The following OPCML variants were observed in gnomAD, a reference collection of about 807,000 sequenced individuals.
OPCML encodes opioid-binding protein/cell adhesion molecule.
A neutral mutation model predicts 37.8 loss-of-function variants in OPCML; 13 were observed. The ratio of observed to expected loss-of-function variants is 0.34; its 90% CI spans 0.22 to 0.55. The LOEUF is 0.55. OPCML is among the 20% of genes least tolerant of loss of function. The pLI, the probability that OPCML is intolerant of heterozygous loss-of-function variation, is 0.91. For synonymous variants in OPCML, 176 were observed against 168.8 expected, an observed-to-expected ratio of 1.04 and a Z score of -0.33; for missense variants, 341 against 435.6, an observed-to-expected ratio of 0.78 and a Z score of 1.93.
At chr11:132,598,875 G>T (rs1937629985) in intron 3 of OPCML, among the ~76,000 whole-genome samples, 1 of 152,004 alleles carries the variant, frequency 6.6e-6, no homozygotes, top group Non-Finnish European at 1.5e-5. Context: ...AAATATATTT[G>T]GCTTTTATGT....
intron 1 of OPCML, among the ~76,000 whole-genome samples, chr11:133,462,076 T>C (rs1385315642): frequency 1.3e-5 from 2 of 151,984 alleles, no homozygotes; most frequent in African/African-American, 2.4e-5. Context: ...GATATTCATA[T>C]GCAAAATATG....
intron 1 of OPCML, among the ~76,000 whole-genome samples, chr11:133,161,444 G>A (rs532748503): frequency 5.2e-4 from 79 of 152,278 alleles, no homozygotes; most frequent in African/African-American, 1.7e-3. Flanking sequence ...TCTAAGAACT[G>A]AGTAATAGCA....
At chr11:133,080,085 T>C (rs1368424883) in intron 1 of OPCML, among the ~76,000 whole-genome samples, 1 of 152,100 alleles carries the variant, frequency 6.6e-6, no homozygotes, top group East Asian at 1.9e-4. Flanking sequence ...GGTCTATGAA[T>C]AGGGTCCCCA....
intron 1 of OPCML, among the ~76,000 whole-genome samples, chr11:132,994,012 G>A (rs1034488901): frequency 2.0e-5 from 3 of 152,226 alleles, no homozygotes; most frequent in African/African-American, 7.2e-5. Flanking sequence ...GCAGGGAGAC[G>A]TCTGGATGTG....
intron 3 of OPCML, among the ~76,000 whole-genome samples, chr11:132,586,296 T>C (rs1228189833): frequency 2.6e-5 from 4 of 152,216 alleles, no homozygotes; most frequent in Non-Finnish European, 5.9e-5. Context: ...CTTAAAGAAA[T>C]GTGATATTTC....
chr11:132,835,932 C>T (rs1372301652), intron 2 of OPCML, among the ~76,000 whole-genome samples: 1 of 152,184 alleles, frequency 6.6e-6, no homozygotes, highest in Non-Finnish European at 1.5e-5. Flanking sequence ...TGTCTACTTA[C>T]AAATATCCAT....
At chr11:132,597,894 C>T (rs1387679517) in intron 3 of OPCML, among the ~76,000 whole-genome samples, 1 of 152,096 alleles carries the variant, frequency 6.6e-6, no homozygotes, top group Non-Finnish European at 1.5e-5. Context: ...GCATAGCTTC[C>T]TTCTATTCCA....
intron 2 of OPCML, among the ~76,000 whole-genome samples, chr11:132,851,868 G>A (rs1022165109): frequency 5.9e-5 from 9 of 152,152 alleles, no homozygotes; most frequent in African/African-American, 2.2e-4. Context: ...GAAAGAACGC[G>A]ATGTGAGGGA....
chr11:133,460,364 A>G (rs1257640460), intron 1 of OPCML, among the ~76,000 whole-genome samples: 1 of 151,926 alleles, frequency 6.6e-6, no homozygotes, highest in Non-Finnish European at 1.5e-5. Flanking sequence ...ATTAATAAAG[A>G]TTAAAGACAA....
intron 1 of OPCML, among the ~76,000 whole-genome samples, chr11:132,944,813 G>A (rs917160619): frequency 2.0e-5 from 3 of 152,330 alleles, no homozygotes; most frequent in African/African-American, 7.2e-5. Flanking sequence ...CCTGGCAGAA[G>A]CCTCCCCGTT....
chr11:133,158,407 A>C (rs1159284824), intron 1 of OPCML, among the ~76,000 whole-genome samples: 1 of 152,204 alleles, frequency 6.6e-6, no homozygotes, highest in Non-Finnish European at 1.5e-5. Context: ...TCATTTCTAA[A>C]AATAAGATCC....
chr11:132,608,917 G>T (rs1266373998), intron 3 of OPCML, among the ~76,000 whole-genome samples: 1 of 152,058 alleles, frequency 6.6e-6, no homozygotes, highest in African/African-American at 2.4e-5. Flanking sequence ...ATATATCTGA[G>T]ATATTTTTCT....
At chr11:132,542,517 A>G (rs1263520761) in intron 3 of OPCML, among the ~76,000 whole-genome samples, 6 of 152,122 alleles carry the variant, frequency 3.9e-5, no homozygotes, top group Admixed American at 2.6e-4. Context: ...CATCAGCAGG[A>G]CAGATTCACC....
At chr11:132,509,310 A>T (rs1443555499) in intron 4 of OPCML, among the ~76,000 whole-genome samples, 1 of 152,144 alleles carries the variant, frequency 6.6e-6, no homozygotes, top group Admixed American at 6.5e-5. Context: ...ACAGAGCATA[A>T]ATGTTCAGAA....
At chr11:132,873,610 C>T (rs1213230055) in intron 2 of OPCML, among the ~76,000 whole-genome samples, 2 of 148,112 alleles carry the variant, frequency 1.4e-5, no homozygotes, top group East Asian at 2.0e-4. Flanking sequence ...GGAAAGACAA[C>T]AGAAGAGGAG....
rs527360573 is a variant in OPCML at position 132,762,596 on chromosome 11, T to C, written c.147-105277A>G. ...TCCACACCAAGTTCGAACTTCCTGG[T>C]GGCTTTGTTTACACTGTGAGGGGAA... On this transcript the variant is annotated intron_variant, in intron 2 of 7. Coordinates refer to ENST00000524381, the MANE Select transcript of OPCML (RefSeq NM_001012393.5). 8.5e-5 allele frequency among the ~76,000 whole-genome samples: 13 copies of C among 152,312 alleles called. No homozygotes were observed. In the South Asian group the frequency reaches 2.7e-3, roughly 32 times the overall value.
In OPCML at chr11:132,664,127, C is replaced by G. The variant is rs147482398; in HGVS notation, c.147-6808G>C. On this transcript the variant is annotated intron_variant, in intron 2 of 7. Coordinates refer to ENST00000524381, the MANE Select transcript of OPCML (RefSeq NM_001012393.5). ...TAATTTTAATAAAACATCATCTGTT[C>G]CATTAAGTTAATGTTCCAAGTTTAA... is the stretch of plus-strand genomic sequence containing the variant. Among the ~76,000 whole-genome samples the G allele has an allele frequency of 1.1e-3, 175 of 152,270 alleles. 1 individual carries two copies. Among genetic ancestry groups the G allele is most frequent in the African/African-American group, 3.9e-3 (164 of 41,556 alleles).
intron 1 of OPCML, among the ~76,000 whole-genome samples, chr11:133,088,876 A>C (rs1948859542): frequency 6.6e-6 from 1 of 152,242 alleles, no homozygotes; most frequent in African/African-American, 2.4e-5. Context: ...TAACACATTA[A>C]GCATGACTAC....
At chr11:132,491,610 A>G (rs1304394046) in intron 4 of OPCML, among the ~76,000 whole-genome samples, 1 of 152,254 alleles carries the variant, frequency 6.6e-6, no homozygotes, top group Non-Finnish European at 1.5e-5. Flanking sequence ...TTTTATTCAT[A>G]GCATTAATCA....
Sources: gnomAD v4.1 joint callset for allele counts (sites outside exome capture counted in the v4.1 genomes callset) on GRCh38, gnomAD v4.1.1 for gene constraint, MANE v1.5 for transcripts, NCBI Gene and HGNC (gene_info 2026-07-23, HGNC 2026-07-21) for gene names.